NASP: variants seen among roughly 807,000 people sequenced by gnomAD.
NASP encodes the protein NASP histone chaperone.
In NASP, 24 loss-of-function variants were observed where a neutral mutation model predicts 89.5. The ratio of observed to expected loss-of-function variants is 0.27; its 90% CI spans 0.19 to 0.38. The LOEUF is 0.38. Ranked by LOEUF, NASP falls within the 10% of genes least tolerant of loss-of-function variation. The probability of loss-of-function intolerance (pLI) is 1.00; values close to 1 mark genes in which losing one functional copy is unlikely to be tolerated. For missense variants in NASP, 848 were observed against 921.4 expected, an observed-to-expected ratio of 0.92 and a Z score of 1.03; for synonymous variants, 306 against 324.7, an observed-to-expected ratio of 0.94 and a Z score of 0.62.
chr1:45,605,322 G>A (rs1421585234), intron 4 of NASP, among the ~76,000 whole-genome samples: 2 of 152,226 alleles, frequency 1.3e-5, no homozygotes, highest in Non-Finnish European at 2.9e-5. Flanking sequence ...GAAAGAATTA[G>A]CAAGTGAGAC....
In NASP at chr1:45,616,220, G is replaced by T. The variant is rs989250176; in HGVS notation, c.2023-117G>T. The T allele has an allele frequency of 4.5e-5, 41 of 914,402 alleles. No individual in the cohort carries two copies. The Middle Eastern group carries it at 6.6e-4, about 15-fold the overall frequency. 56.6% of individuals were successfully genotyped at this position (914,402 alleles called of 1,614,324 possible). ...GGGGTAGAACTGGATACTATATGGAGGCCACTAGCATTTCAGGTCTTAGTC... is the reference window on the plus strand; with the variant it reads ...GGGGTAGAACTGGATACTATATGGATGCCACTAGCATTTCAGGTCTTAGTC... On this transcript the variant is annotated intron_variant, in intron 11 of 14. Coordinates refer to ENST00000350030, the MANE Select transcript of NASP (RefSeq NM_002482.4).
rs900388749 is a variant in NASP at position 45,615,169 on chromosome 1, G to T, written c.1823G>T (p.Ser608Ile). The part of the protein sequence containing the change: ...SQYDEAVAQF[S>I]KSIEVIENRM... ...TATGATGAGGCAGTGGCACAGTTCA[G>T]CAAATCTATTGAAGTCATTGAGAAC... is the stretch of plus-strand genomic sequence containing the variant. Residue 608 changes from serine to isoleucine, a missense_variant, in exon 10 of 15, where the codon AGC becomes ATC. Physicochemically the swap from Ser to Ile is moderately radical, Grantham distance 142. Transcript: ENST00000350030. The T allele has an allele frequency of 2.5e-6, 4 of 1,614,052 alleles. No individual in the cohort carries two copies. The highest frequency in any genetic ancestry group is 1.7e-6 in the Non-Finnish European group (2 of 1,180,042).
chr1:45,586,289 GTGTGTGTGTGTGTGTGTGTGGT>G (rs1644545419), intron 1 of NASP, among the ~76,000 whole-genome samples: 5 of 99,732 alleles, frequency 5.0e-5, no homozygotes, highest in East Asian at 6.1e-4. Flanking sequence ...TGTGTGGTGT[GTGTGTGTGTGTGTGTGTGTGGT>G]GTGTGTGTGT....
chr1:45,587,094 C>T (rs1184179882), intron 1 of NASP, among the ~76,000 whole-genome samples: 1 of 152,162 alleles, frequency 6.6e-6, no homozygotes, highest in Non-Finnish European at 1.5e-5. Context: ...TTTGTCCCCT[C>T]GTGCCATTAA....
In NASP at chr1:45,602,286, T is replaced by C. The variant is rs755809891; in HGVS notation, c.139T>C (p.Leu47=). ...LDVDSEAKKL[L]GLGQKHLVMG... ...TGTGGATAGTGAAGCTAAGAAACTA[T>C]TGGGTTTAGGACAGAAACATCTGGT... The change falls in exon 3 of 15, where the codon TTG becomes CTG. Residue 47 remains leucine, a synonymous_variant. Transcript: ENST00000350030. 4 of 1,613,716 alleles carry C rather than the reference T, an allele frequency of 2.5e-6. No individual in the cohort carries two copies. The highest frequency in any genetic ancestry group is 2.2e-5 in the East Asian group (1 of 44,858).
chr1:45,584,074 C>A lies in NASP; in HGVS notation c.-73C>A. On this transcript the variant is annotated 5_prime_UTR_variant, in exon 1 of 15. Transcript: ENST00000350030. ...TGCCATTTTCTGTCCCTGAGTGAGT[C>A]TCTGGCGTCCCAAATTGCCTGTTTT... 7.1e-7 allele frequency: 1 copy of A among 1,417,872 alleles called. No individual in the cohort carries two copies. Among genetic ancestry groups the A allele is most frequent in the East Asian group, 2.5e-5 (1 of 40,034 alleles). 87.8% of individuals were successfully genotyped at this position (1,417,872 alleles called of 1,614,324 possible). A position where few individuals can be genotyped will look rare whatever the true frequency, so the allele number is the denominator to read the frequency against.
chr1:45,617,397 T>C (rs1644124651), intron 13 of NASP, 66 bp from the exon 14 acceptor site: 1 of 1,545,750 alleles, frequency 6.5e-7, no homozygotes, highest in Non-Finnish European at 8.8e-7. Flanking sequence ...GTTAAGGAAA[T>C]GTTTTGCAGT....
Position 45,584,047 on chromosome 1 carries a change from T to A in NASP, c.-100T>A. The stretch of plus-strand genomic sequence containing the variant: ...GGCCCCGGCCGCGCGGGGTCTCTAA[T>A]CTGCCATTTTCTGTCCCTGAGTGAG... On this transcript the variant is annotated 5_prime_UTR_variant, in exon 1 of 15. Coordinates refer to ENST00000350030, the MANE Select transcript of NASP (RefSeq NM_002482.4). 1 of 1,145,538 alleles carries A rather than the reference T, an allele frequency of 8.7e-7. No homozygotes were observed. Among genetic ancestry groups the A allele is most frequent in the Non-Finnish European group, 1.3e-6 (1 of 796,598 alleles). 71.0% of individuals were successfully genotyped at this position (1,145,538 alleles called of 1,614,324 possible).
chr1:45,588,907 T>C (rs1643437444), intron 1 of NASP: 1 of 185,038 alleles, frequency 5.4e-6, no homozygotes, highest in Admixed American at 5.9e-5. Flanking sequence ...TGGGCAACAG[T>C]GCGAGACTCC....
At chr1:45,616,469 G>A in intron 12 of NASP, 76 bp downstream of exon 12, 1 of 1,542,360 alleles carries the variant, frequency 6.5e-7, no homozygotes. Context: ...CCAGCATTTT[G>A]GGAGGCCAAG....
rs1287984851 is a variant in NASP at position 45,586,545 on chromosome 1, T to C, written c.59+2340T>C. ...CTCAAGGGATCCACCCACGTGGGCCTCTCAAAGTGCTGAGATTACCGGCGT... is the reference window on the plus strand; with the variant it reads ...CTCAAGGGATCCACCCACGTGGGCCCCTCAAAGTGCTGAGATTACCGGCGT... On this transcript the variant is annotated intron_variant, in intron 1 of 14. Transcript: ENST00000350030. Among the ~76,000 whole-genome samples, 3 of 152,128 alleles carry C rather than the reference T, an allele frequency of 2.0e-5. No individual in the cohort carries two copies. The East Asian group carries it at 5.8e-4, about 29-fold the overall frequency.
At chr1:45,584,819 G>A (rs1258205231) in intron 1 of NASP, among the ~76,000 whole-genome samples, 2 of 152,198 alleles carry the variant, frequency 1.3e-5, no homozygotes, top group East Asian at 1.9e-4. Flanking sequence ...CAGGAGCTTT[G>A]GACTATCTCC....
intron 6 of NASP, chr1:45,611,922 CGAT>C (rs1644020798): frequency 7.4e-6 from 1 of 135,022 alleles, no homozygotes. Context: ...TGCAGTGGTG[CGAT>C]AATCCGCTCA....
intron 4 of NASP, 108 bp from the exon 5 acceptor site, chr1:45,606,374 C>T: frequency 1.4e-6 from 1 of 702,146 alleles, no homozygotes; most frequent in Non-Finnish European, 2.5e-6. Context: ...ATTGCCTGCG[C>T]TTGGCTTACA....
intron 11 of NASP, 185 bp downstream of exon 11, chr1:45,615,656 T>G: frequency 1.7e-6 from 1 of 583,830 alleles, no homozygotes; most frequent in Non-Finnish European, 3.0e-6. Context: ...TGGGTTTTAA[T>G]TCCATACTTA....
chr1:45,607,577 G>C lies in NASP; in HGVS notation c.666G>C (p.Pro222=). 1 of 1,613,888 alleles carries C rather than the reference G, an allele frequency of 6.2e-7. No homozygotes were observed. The highest frequency in any genetic ancestry group is 8.5e-7 in the Non-Finnish European group (1 of 1,179,868). ...AAGGAGGAGCAGCACCAGAAGGACC[G>C]AATGAAGCTGAGGTCACTTCTGGGA... ...EAKGGAAPEG[P]NEAEVTSGKP... Residue 222 remains proline, a synonymous_variant, in exon 6 of 15, where the codon CCG becomes CCC. Coordinates refer to ENST00000350030, the MANE Select transcript of NASP (RefSeq NM_002482.4).
chr1:45,589,674 A>G (rs1643473798), intron 1 of NASP, among the ~76,000 whole-genome samples: 1 of 151,896 alleles, frequency 6.6e-6, no homozygotes. Context: ...CCCAGGCGGG[A>G]GGATCACTTG....
At chr1:45,593,574 AT>A (rs1285087529) in intron 2 of NASP, among the ~76,000 whole-genome samples, 9 of 147,526 alleles carry the variant, frequency 6.1e-5, no homozygotes, top group Admixed American at 5.4e-4. Context: ...ACAGTTTTAT[AT>A]TTTTATTTTC....
At chr1:45,599,302 A>G (rs1421037990) in intron 2 of NASP, among the ~76,000 whole-genome samples, 2 of 151,780 alleles carry the variant, frequency 1.3e-5, no homozygotes, top group East Asian at 1.9e-4. Context: ...TAATTTTTGT[A>G]TTTTCCTATA....
Sources: allele counts gnomAD v4.1 joint callset (sites outside exome capture counted in the v4.1 genomes callset), GRCh38; gene constraint gnomAD v4.1.1; transcripts MANE v1.5; gene names NCBI Gene and HGNC (gene_info 2026-07-23, HGNC 2026-07-21).